TAF3: variants seen among roughly 807,000 people sequenced by gnomAD.
TAF3 encodes TATA-box binding protein associated factor 3.
A neutral mutation model predicts 80.6 loss-of-function variants in TAF3; 7 were observed. The ratio of observed to expected loss-of-function variants is 0.09; its 90% CI spans 0.05 to 0.16. The LOEUF (loss-of-function observed/expected upper bound fraction) is 0.16. Ranked by LOEUF, TAF3 falls within the 10% of genes least tolerant of loss-of-function variation. TAF3 has a pLI of 1.00. For synonymous variants in TAF3, 444 were observed against 446.1 expected (o/e 1.00, Z 0.06); for missense variants, 921 against 1,140.2 (o/e 0.81, Z 2.77).
At chr10:7,908,038 C>T (rs187183278) in intron 2 of TAF3, among the ~76,000 whole-genome samples, 93 of 152,326 alleles carry the variant, frequency 6.1e-4, no homozygotes, top group African/African-American at 2.1e-3. Flanking sequence ...GTATGGAATT[C>T]GCCCTGTGCC....
intron 2 of TAF3, among the ~76,000 whole-genome samples, chr10:7,833,362 CTTGTTACCTT>C (rs1327632258): frequency 6.6e-6 from 1 of 152,190 alleles, no homozygotes; most frequent in African/African-American, 2.4e-5. Flanking sequence ...CCTGCTAACA[CTTGTTACCTT>C]TCATCTTTTT....
chr10:7,954,253 G>T (rs1326196426), intron 2 of TAF3, among the ~76,000 whole-genome samples: 6 of 137,350 alleles, frequency 4.4e-5, no homozygotes, highest in African/African-American at 7.8e-5. Context: ...GCACTCCATA[G>T]GTGAATGAGT....
intron 4 of TAF3, among the ~76,000 whole-genome samples, chr10:7,995,783 G>A (rs1831881855): frequency 6.6e-6 from 1 of 152,168 alleles, no homozygotes; most frequent in African/African-American, 2.4e-5. Flanking sequence ...GGCAGGCCAC[G>A]AGCTTCAGGA....
chr10:7,955,918 A>G (rs931083694), intron 2 of TAF3, among the ~76,000 whole-genome samples: 1 of 152,174 alleles, frequency 6.6e-6, no homozygotes, highest in African/African-American at 2.4e-5. Flanking sequence ...CTTTTGAAAG[A>G]TAGGGATTAA....
rs1176707860 is a variant in TAF3, at chr10:7,830,473, C to CTTTTTTTTT, written c.409+5933_409+5941dup. ...TGCACACCTTTTTCACTTTACATGTCTTTTTTTTTTTTTTTTTTTTTTTTT... is the reference window on the plus strand; with the variant it reads ...TGCACACCTTTTTCACTTTACATGTCTTTTTTTTTTTTTTTTTTTTTTTTTTTTTTTTTT... On this transcript the variant is annotated intron_variant, in intron 2 of 6. Transcript: ENST00000344293. 3.3e-3 allele frequency among the ~76,000 whole-genome samples: 189 copies of CTTTTTTTTT among 57,730 alleles called. 38 individuals are homozygous for CTTTTTTTTT. The highest frequency in any genetic ancestry group is 4.1e-3 in the Non-Finnish European group (134 of 32,352). The allele number at this position is 57,730 out of a possible 152,430, so 37.9% of individuals were successfully genotyped here.
chr10:7,862,125 GT>G (rs1233014487), intron 2 of TAF3, among the ~76,000 whole-genome samples: 1 of 152,102 alleles, frequency 6.6e-6, no homozygotes, highest in Non-Finnish European at 1.5e-5. Context: ...CATCTGGTTT[GT>G]TTTTAGAGTT....
intron 2 of TAF3, among the ~76,000 whole-genome samples, chr10:7,876,701 A>G (rs1038639050): frequency 1.3e-5 from 2 of 152,208 alleles, no homozygotes; most frequent in Non-Finnish European, 2.9e-5. Context: ...AAGTCAGGAA[A>G]GTTCTTTGAC....
At chr10:7,977,173 T>G in intron 3 of TAF3, 68 bp from the exon 4 acceptor site, 1 of 1,430,724 alleles carries the variant, frequency 7.0e-7, no homozygotes, top group Non-Finnish European at 9.8e-7. Flanking sequence ...AGTGGGAGAG[T>G]AGGAGAAGTG....
chr10:7,960,066 C>T (rs978161098), intron 2 of TAF3, among the ~76,000 whole-genome samples: 1 of 152,204 alleles, frequency 6.6e-6, no homozygotes, highest in African/African-American at 2.4e-5. Context: ...CCATAACATA[C>T]TCTAAAGACC....
chr10:7,863,567 C>T (rs1837169760), intron 2 of TAF3, among the ~76,000 whole-genome samples: 1 of 140,816 alleles, frequency 7.1e-6, no homozygotes. Context: ...CTGAGATCGC[C>T]CCACTGCACT....
intron 1 of TAF3, among the ~76,000 whole-genome samples, chr10:7,822,703 CAT>C (rs1162160341): frequency 1.3e-5 from 2 of 152,158 alleles, no homozygotes; most frequent in South Asian, 2.1e-4. Flanking sequence ...TAATTTCAGA[CAT>C]ACTGAGTTTG....
intron 4 of TAF3, among the ~76,000 whole-genome samples, chr10:7,996,980 C>A (rs1341110077): frequency 6.6e-6 from 1 of 152,040 alleles, no homozygotes; most frequent in Non-Finnish European, 1.5e-5. Flanking sequence ...AAGCATGAGC[C>A]ACTGGGCCCA....
intron 2 of TAF3, among the ~76,000 whole-genome samples, chr10:7,926,742 A>C (rs1435163204): frequency 6.6e-6 from 1 of 152,174 alleles, no homozygotes; most frequent in Non-Finnish European, 1.5e-5. Flanking sequence ...TAGAATCTGA[A>C]TTTGAGCCCA....
chr10:7,862,606 A>G (rs921748993), intron 2 of TAF3, among the ~76,000 whole-genome samples: 6 of 152,216 alleles, frequency 3.9e-5, no homozygotes, highest in Non-Finnish European at 8.8e-5. Context: ...AAGCATTGTC[A>G]CAGTCAAAAT....
chr10:7,826,673 T>C (rs1417181795), intron 2 of TAF3, among the ~76,000 whole-genome samples: 3 of 152,234 alleles, frequency 2.0e-5, no homozygotes, highest in African/African-American at 2.4e-5. Flanking sequence ...AAAATATTGC[T>C]GATTTGTAAT....
intron 2 of TAF3, among the ~76,000 whole-genome samples, chr10:7,852,007 C>G (rs530635375): frequency 6.6e-6 from 1 of 151,720 alleles, no homozygotes; most frequent in Non-Finnish European, 1.5e-5. Flanking sequence ...TGGTCTTGAA[C>G]TCTCGGGCTC....
At chr10:7,921,354 T>A (rs1371723817) in intron 2 of TAF3, among the ~76,000 whole-genome samples, 2 of 152,156 alleles carry the variant, frequency 1.3e-5, no homozygotes, top group Non-Finnish European at 2.9e-5. Flanking sequence ...ATTCTCACTT[T>A]TTAGTCATCT....
At chr10:7,948,234 T>G (rs1178089187) in intron 2 of TAF3, among the ~76,000 whole-genome samples, 3 of 150,560 alleles carry the variant, frequency 2.0e-5, no homozygotes, top group African/African-American at 4.9e-5. Flanking sequence ...TACTAATTTT[T>G]TTTTTCTTTT....
intron 2 of TAF3, among the ~76,000 whole-genome samples, chr10:7,826,638 T>C (rs1836744890): frequency 6.6e-6 from 1 of 152,240 alleles, no homozygotes; most frequent in Non-Finnish European, 1.5e-5. Flanking sequence ...TCACTTTTTA[T>C]CTAACACATG....
Sources: gnomAD v4.1 joint callset for allele counts (sites outside exome capture counted in the v4.1 genomes callset) on GRCh38, gnomAD v4.1.1 for gene constraint, MANE v1.5 for transcripts, NCBI Gene and HGNC (gene_info 2026-07-23, HGNC 2026-07-21) for gene names.